The following ACCSL variants were observed in gnomAD, a reference collection of about 807,000 sequenced individuals.
ACCSL encodes the protein 1-aminocyclopropane-1-carboxylate synthase homolog (inactive) like, also known as probable inactive 1-aminocyclopropane-1-carboxylate synthase-like protein 2.
In ACCSL, 55 loss-of-function variants were observed where a neutral mutation model predicts 61.7. The observed-to-expected ratio is 0.89, with a 90% CI of 0.72 to 1.12. The LOEUF is 1.12. ACCSL is among the 50% of genes most tolerant of loss of function. The probability of loss-of-function intolerance (pLI) is 0.00; values close to 1 mark genes in which losing one functional copy is unlikely to be tolerated. For synonymous variants in ACCSL, 258 were observed against 264.3 expected (o/e 0.98, Z 0.23); for missense variants, 632 against 698.0 (o/e 0.91, Z 1.07).
chr11:43,943,630 G>C, the ACCSL span: 1 of 1,306,030 alleles, frequency 7.7e-7, no homozygotes, highest in Non-Finnish European at 1.0e-6. This position sits in a 1 kb window ranked among gnomAD's most constrained non-coding sequence, Gnocchi z 4.8. Flanking sequence ...CTCCGATTTT[G>C]CACACCGCTC....
At chr11:44,037,614 C>T in the ACCSL span, among the ~76,000 whole-genome samples, 1 of 152,232 alleles carries the variant, frequency 6.6e-6, no homozygotes, top group Non-Finnish European at 1.5e-5. Flanking sequence ...AGCAGAGAGG[C>T]TCCCAGGCTG....
the ACCSL span, among the ~76,000 whole-genome samples, chr11:44,011,497 C>G: frequency 6.6e-6 from 1 of 152,182 alleles, no homozygotes; most frequent in Admixed American, 6.5e-5. Flanking sequence ...TTTGTAAACA[C>G]GTCCACATAA....
the ACCSL span, chr11:43,921,239 A>G: frequency 1.3e-5 from 2 of 152,188 alleles, no homozygotes; most frequent in East Asian, 1.9e-4. Context: ...GTCCATGATC[A>G]TAGGAAAATG....
chr11:43,994,316 A>C, the ACCSL span, among the ~76,000 whole-genome samples: 37,952 of 152,204 alleles, frequency 0.25, 5,776 homozygotes, highest in South Asian at 0.34. Flanking sequence ...CCAAGTTGCC[A>C]GTCTAACAGT....
the ACCSL span, among the ~76,000 whole-genome samples, chr11:43,989,638 C>G: frequency 6.6e-6 from 1 of 152,246 alleles, no homozygotes; most frequent in African/African-American, 2.4e-5. Context: ...ACCATGGCCC[C>G]CACCCAGCAG....
the ACCSL span, among the ~76,000 whole-genome samples, chr11:44,040,134 G>A: frequency 0.06 from 9,094 of 152,278 alleles, 504 homozygotes; most frequent in African/African-American, 0.14. Context: ...TTCTGCCCTG[G>A]GTTAACCCAC....
the ACCSL span, among the ~76,000 whole-genome samples, chr11:43,955,027 G>A: frequency 6.6e-6 from 1 of 152,186 alleles, no homozygotes; most frequent in Non-Finnish European, 1.5e-5. Flanking sequence ...AAATGATTTT[G>A]GGGGCTGCTT....
chr11:43,991,551 T>C, the ACCSL span, among the ~76,000 whole-genome samples: 1 of 152,162 alleles, frequency 6.6e-6, no homozygotes, highest in Non-Finnish European at 1.5e-5. Flanking sequence ...CCCAGCACTT[T>C]GGGAGGCTGA....
chr11:44,004,169 C>A, the ACCSL span, among the ~76,000 whole-genome samples: 1 of 151,128 alleles, frequency 6.6e-6, no homozygotes, highest in Non-Finnish European at 1.5e-5. Context: ...GGCCAGGGGG[C>A]TCCCAGGAGT....
chr11:43,956,404 T>G, the ACCSL span, among the ~76,000 whole-genome samples: 1 of 150,840 alleles, frequency 6.6e-6, no homozygotes, highest in African/African-American at 2.4e-5. Flanking sequence ...TCTCTTTCTG[T>G]CATAATTTTC....
chr11:44,006,452 C>A, the ACCSL span, among the ~76,000 whole-genome samples: 4 of 149,590 alleles, frequency 2.7e-5, no homozygotes, highest in Admixed American at 1.3e-4. Context: ...TACCCAACTT[C>A]TGGAAGATGC....
chr11:43,943,388 C>A, the ACCSL span: 1 of 1,395,996 alleles, frequency 7.2e-7, no homozygotes, highest in Non-Finnish European at 9.3e-7. This position sits in a 1 kb window ranked among gnomAD's most constrained non-coding sequence, Gnocchi z 4.8. Flanking sequence ...CCCGGGACCG[C>A]CGCTCCTCGC....
At chr11:43,926,508 G>C in the ACCSL span, 26 of 456,156 alleles carry the variant, frequency 5.7e-5, 1 homozygote, top group South Asian at 4.0e-4. Flanking sequence ...TTCTGTTCAA[G>C]ACCAGGGCTT....
At chr11:43,954,588 CTT>C in the ACCSL span, among the ~76,000 whole-genome samples, 49 of 145,608 alleles carry the variant, frequency 3.4e-4, no homozygotes, top group Non-Finnish European at 2.6e-4. Flanking sequence ...TTCTTTCTTT[CTT>C]TTTTTTTTTT....
the ACCSL span, among the ~76,000 whole-genome samples, chr11:44,041,630 CTT>C: frequency 3.3e-5 from 5 of 152,014 alleles, no homozygotes; most frequent in Non-Finnish European, 5.9e-5. Flanking sequence ...CTTTAATTCT[CTT>C]GTGTTTTCCA....
chr11:43,992,372 C>A, the ACCSL span, among the ~76,000 whole-genome samples: 1 of 152,190 alleles, frequency 6.6e-6, no homozygotes, highest in African/African-American at 2.4e-5. Context: ...AAGGCAGCTG[C>A]ATCTACATGC....
chr11:44,041,649 T>G, the ACCSL span, among the ~76,000 whole-genome samples: 2 of 152,326 alleles, frequency 1.3e-5, no homozygotes, highest in South Asian at 4.1e-4. Context: ...TCCAGATGTA[T>G]AGTAGTAGTC....
upstream of ACCSL, among the ~76,000 whole-genome samples, chr11:44,047,559 C>T (rs919294011): frequency 6.6e-5 from 10 of 152,208 alleles, no homozygotes; most frequent in African/African-American, 2.4e-4. Flanking sequence ...ATAAAACTAT[C>T]TACAAAAATA....
At chr11:44,014,430 A>G in the ACCSL span, among the ~76,000 whole-genome samples, 2 of 151,274 alleles carry the variant, frequency 1.3e-5, no homozygotes, top group African/African-American at 4.9e-5. Context: ...GAGGGTCATC[A>G]TGACATCGCA....
Sources: gnomAD v4.1 joint callset for allele counts (sites outside exome capture counted in the v4.1 genomes callset) on GRCh38, gnomAD v4.1.1 for gene constraint, Gnocchi (gnomAD v3.1) non-coding constraint, MANE v1.5 for transcripts, NCBI Gene and HGNC (gene_info 2026-07-23, HGNC 2026-07-21) for gene names.